RITA1: variants seen among roughly 807,000 people sequenced by gnomAD.
RITA1 encodes the protein RBPJ-interacting and tubulin-associated protein 1.
A neutral mutation model predicts 8.7 loss-of-function variants in RITA1; 15 were observed. The observed-to-expected ratio is 1.72, with a 90% CI of 1.15 to 2.65. RITA1 has a LOEUF of 2.65. Among genes scored for constraint, RITA1 ranks in the 30% most tolerant of loss-of-function variants. The probability of loss-of-function intolerance (pLI) is 0.00; values close to 1 mark genes in which losing one functional copy is unlikely to be tolerated. For missense variants in RITA1, 330 were observed against 363.8 expected (o/e 0.91, Z 0.76); for synonymous variants, 145 against 156.2 (o/e 0.93, Z 0.53).
At chr12:113,186,558 A>G (rs763719384) in intron 2 of RITA1, 125 bp from the exon 3 acceptor site, 15 of 1,393,156 alleles carry the variant, frequency 1.1e-5, no homozygotes, top group Non-Finnish European at 1.4e-5. Context: ...TGAAGTTGAC[A>G]GCTCCCCTTT....
chr12:113,190,917 G>A lies in RITA1; in HGVS notation c.303-393G>A, dbSNP rs75102132. Among the ~76,000 whole-genome samples, 55 of 152,352 alleles carry A rather than the reference G, an allele frequency of 3.6e-4. No homozygotes were observed. The East Asian group carries it at 7.7e-3, about 21-fold the overall frequency. The stretch of plus-strand genomic sequence containing the variant: ...TCAGCTTAGCAAGAAGTAAAGTCAG[G>A]TGGCAGAAAGACATCTCTTTCCTAG... On this transcript the variant is annotated intron_variant, in intron 3 of 3. Coordinates refer to ENST00000548278, the MANE Select transcript of RITA1 (RefSeq NM_032848.3).
At position 113,191,891 on chromosome 12, in the gene RITA1, T is replaced by C. The variant is rs149502906; in HGVS notation, c.*74T>C. On this transcript the variant is annotated 3_prime_UTR_variant, in exon 4 of 4. Coordinates refer to ENST00000548278, the MANE Select transcript of RITA1 (RefSeq NM_032848.3). This position sits in a 1 kb window ranked among gnomAD's most constrained non-coding sequence, Gnocchi z 4.0. ...CCTTGCCAGGGTAGGAGGACATTCATCACCCAGGGAACCCCAGGTATTAAA... is the reference window on the plus strand; with the variant it reads ...CCTTGCCAGGGTAGGAGGACATTCACCACCCAGGGAACCCCAGGTATTAAA... The C allele has an allele frequency of 1.1e-3, 1,603 of 1,507,166 alleles. 17 individuals carry two copies. The East Asian group carries it at 0.031, about 29-fold the overall frequency. The allele number at this position is 1,507,166 out of a possible 1,614,324, so 93.4% of individuals were successfully genotyped here.
Position 113,186,246 on chromosome 12 carries a change from A to G in RITA1, c.-135A>G. On this transcript the variant is annotated 5_prime_UTR_variant, in exon 2 of 4. Transcript: ENST00000548278. ...AGTTTTGTGATCCGTAAAATGGACAAATTCGAAGCTACTTCACAGTGCTGT... is the reference window on the plus strand; with the variant it reads ...AGTTTTGTGATCCGTAAAATGGACAGATTCGAAGCTACTTCACAGTGCTGT... 7.1e-7 allele frequency: 1 copy of G among 1,402,280 alleles called. No individual in the cohort carries two copies. 86.9% of individuals were successfully genotyped at this position (1,402,280 alleles called of 1,614,324 possible). A position where few individuals can be genotyped will look rare whatever the true frequency, so the allele number is the denominator to read the frequency against.
Position 113,191,563 on chromosome 12 carries a change from G to T in RITA1, c.556G>T (p.Gly186Cys), listed in dbSNP as rs777293300. The part of the protein sequence containing the change: ...PAADSQKLSM[G>C]GLHSSRPLKR... ...GGCAGACTCCCAGAAGTTATCTATG[G>T]GTGGGTTACACTCTTCACGCCCCCT... The change falls in exon 4 of 4, where the codon GGT becomes TGT. Residue 186 changes from glycine (G) to cysteine (C), a missense_variant. Coordinates refer to ENST00000548278, the MANE Select transcript of RITA1 (RefSeq NM_032848.3). This position sits in a 1 kb window ranked among gnomAD's most constrained non-coding sequence, Gnocchi z 4.0. The T allele has an allele frequency of 6.2e-7, 1 of 1,613,900 alleles. No homozygotes were observed. The highest frequency in any genetic ancestry group is 1.3e-5 in the African/African-American group (1 of 74,908).
Position 113,186,825 on chromosome 12 carries a change from G to C in RITA1, c.79G>C (p.Val27Leu), listed in dbSNP as rs374461511. Residue 27 changes from valine (V) to leucine (L), a missense_variant, in exon 3 of 4, where the codon GTC becomes CTC. Val to Leu is a conservative substitution (Grantham distance 32). Coordinates refer to ENST00000548278, the MANE Select transcript of RITA1 (RefSeq NM_032848.3). Reference sequence around the variant, plus strand: ...GCACCGCTGCCGAGGTGGCTACCGGGTCAAGGCCAGGACGTCATATGTGGA... The same window carrying C: ...GCACCGCTGCCGAGGTGGCTACCGGCTCAAGGCCAGGACGTCATATGTGGA... ...LQHRCRGGYR[V>L]KARTSYVDET... is the part of the protein sequence containing the mutation. 4.5e-5 allele frequency: 73 copies of C among 1,613,812 alleles called. No individual in the cohort carries two copies. Among genetic ancestry groups the C allele is most frequent in the Admixed American group, 5.0e-5 (3 of 60,000 alleles).
chr12:113,192,038 T>C lies in RITA1; in HGVS notation c.*221T>C, dbSNP rs1339006935. 1.7e-6 allele frequency: 1 copy of C among 601,766 alleles called. No homozygotes were observed. The allele number at this position is 601,766 out of a possible 1,614,324, so 37.3% of individuals were successfully genotyped here. A position where few individuals can be genotyped will look rare whatever the true frequency, so the allele number is the denominator to read the frequency against. On this transcript the variant is annotated 3_prime_UTR_variant, in exon 4 of 4. Coordinates refer to ENST00000548278, the MANE Select transcript of RITA1 (RefSeq NM_032848.3). ...GCGGATTTGGGGGCCACCTCTAAGA[T>C]GCCTCTCTCCAGCCCTGTCTCAACC...
chr12:113,186,199 C>T lies in RITA1; in HGVS notation c.-182C>T. On this transcript the variant is annotated 5_prime_UTR_variant, in exon 2 of 4. Transcript: ENST00000548278. ...CACCGTTTTAGCTTTATAGGTGTGA[C>T]CTACACATGTGACTTCACCTCAGTT... 7.5e-7 allele frequency: 1 copy of T among 1,329,902 alleles called. No homozygotes were observed. The highest frequency in any genetic ancestry group is 1.0e-6 in the Non-Finnish European group (1 of 988,836). The allele number at this position is 1,329,902 out of a possible 1,614,324, so 82.4% of individuals were successfully genotyped here.
intron 3 of RITA1, among the ~76,000 whole-genome samples, chr12:113,190,082 C>T (rs987873376): frequency 6.7e-6 from 1 of 149,026 alleles, no homozygotes; most frequent in African/African-American, 2.5e-5. Flanking sequence ...GTAATCCCAG[C>T]ACTTTGGGAG....
In RITA1 at chr12:113,191,083, G is replaced by C. The variant is rs1205621800; in HGVS notation, c.303-227G>C. The stretch of plus-strand genomic sequence containing the variant: ...GGCACATGTCTGGGAATGGGGTCAG[G>C]ATGCAGGGGCAGTGGATGTTTCGCA... On this transcript the variant is annotated intron_variant, in intron 3 of 3. Coordinates refer to ENST00000548278, the MANE Select transcript of RITA1 (RefSeq NM_032848.3). This position sits in a 1 kb window ranked among gnomAD's most constrained non-coding sequence, Gnocchi z 4.0. 6.6e-6 allele frequency among the ~76,000 whole-genome samples: 1 copy of C among 152,194 alleles called. No individual in the cohort carries two copies.
chr12:113,191,903 C>A lies in RITA1; in HGVS notation c.*86C>A. ...AGGAGGACATTCATCACCCAGGGAA[C>A]CCCAGGTATTAAAGAAGCCCCTGTG... On this transcript the variant is annotated 3_prime_UTR_variant, in exon 4 of 4. Coordinates refer to ENST00000548278, the MANE Select transcript of RITA1 (RefSeq NM_032848.3). The surrounding 1 kb of genome is among the most constrained non-coding windows in gnomAD (Gnocchi z 4.0). The A allele has an allele frequency of 6.7e-7, 1 of 1,489,430 alleles. No individual in the cohort carries two copies. Among genetic ancestry groups the A allele is most frequent in the Non-Finnish European group, 9.0e-7 (1 of 1,112,018 alleles). The allele number at this position is 1,489,430 out of a possible 1,614,324, so 92.3% of individuals were successfully genotyped here. A position where few individuals can be genotyped will look rare whatever the true frequency, so the allele number is the denominator to read the frequency against.
chr12:113,191,057 G>A lies in RITA1; in HGVS notation c.303-253G>A, dbSNP rs1013241109. Among the ~76,000 whole-genome samples, 1 of 152,186 alleles carries A rather than the reference G, an allele frequency of 6.6e-6. No individual in the cohort carries two copies. Among genetic ancestry groups the A allele is most frequent in the Non-Finnish European group, 1.5e-5 (1 of 68,038 alleles). ...GGAATATGCAAATTGTCCAGGCCTG[G>A]GGCACATGTCTGGGAATGGGGTCAG... On this transcript the variant is annotated intron_variant, in intron 3 of 3. Coordinates refer to ENST00000548278, the MANE Select transcript of RITA1 (RefSeq NM_032848.3). This position sits in a 1 kb window ranked among gnomAD's most constrained non-coding sequence, Gnocchi z 4.0.
Position 113,186,972 on chromosome 12 carries a change from GC to G in RITA1, c.227del (p.Ala76GlufsTer119), listed in dbSNP as rs1442366554. On this transcript the variant is annotated frameshift_variant, in exon 3 of 4. Transcript: ENST00000548278. LOFTEE classifies it high-confidence loss of function. ...CAAGGAGGCATCGAAGGCCTTGGGG[GC>G]AAAGGGGAGCTGTGAGACCACCCCC... ...VGKEASKALGAKGSCETTPSR... is the reference protein window; with the variant it reads ...VGKEASKALGXKGSCETTPSR... The G allele has an allele frequency of 6.2e-7, 1 of 1,613,084 alleles. No homozygotes were observed. The highest frequency in any genetic ancestry group is 1.6e-4 in the Middle Eastern group (1 of 6,082).
In RITA1 at chr12:113,191,579, C is replaced by T. The variant is rs1952604286; in HGVS notation, c.572C>T (p.Ser191Leu). ...QKLSMGGLHS[S>L]RPLKRGLSHS... is the part of the protein sequence containing the mutation. Reference sequence around the variant, plus strand: ...TTATCTATGGGTGGGTTACACTCTTCACGCCCCCTGAAGCGGGGACTTTCC... The same window carrying T: ...TTATCTATGGGTGGGTTACACTCTTTACGCCCCCTGAAGCGGGGACTTTCC... Residue 191 changes from serine to leucine, a missense_variant, in exon 4 of 4, where the codon TCA (serine) becomes TTA (leucine). By Grantham distance (145) the Ser-to-Leu change is moderately radical. Coordinates refer to ENST00000548278, the MANE Select transcript of RITA1 (RefSeq NM_032848.3). The surrounding 1 kb of genome is among the most constrained non-coding windows in gnomAD (Gnocchi z 4.0). The T allele has an allele frequency of 6.2e-7, 1 of 1,613,994 alleles. No individual in the cohort carries two copies. Among genetic ancestry groups the T allele is most frequent in the Admixed American group, 1.7e-5 (1 of 59,994 alleles).
In RITA1 at chr12:113,191,552, AGTTATCTAT is replaced by A; in HGVS notation, c.547_555del (p.Leu183_Met185del). On this transcript the variant is annotated inframe_deletion, in exon 4 of 4. Transcript: ENST00000548278. The surrounding 1 kb of genome is among the most constrained non-coding windows in gnomAD (Gnocchi z 4.0). ...CCGGGGCCAGCGGCAGACTCCCAGA[AGTTATCTAT>A]GGGTGGGTTACACTCTTCACGCCCC... 3 of 1,613,924 alleles carry A rather than the reference AGTTATCTAT, an allele frequency of 1.9e-6. No individual in the cohort carries two copies. Among genetic ancestry groups the A allele is most frequent in the Non-Finnish European group, 2.5e-6 (3 of 1,179,914 alleles).
intron 3 of RITA1, among the ~76,000 whole-genome samples, chr12:113,188,045 CA>C (rs1952557139): frequency 6.6e-6 from 1 of 151,570 alleles, no homozygotes; most frequent in Non-Finnish European, 1.5e-5. Flanking sequence ...GTGGCTTAAA[CA>C]ACACAATTTT....
Position 113,186,988 on chromosome 12 carries a change from A to G in RITA1, c.242A>G (p.Glu81Gly), listed in dbSNP as rs1566104730. 2.5e-6 allele frequency: 4 copies of G among 1,612,504 alleles called. No homozygotes were observed. In the South Asian group the frequency reaches 3.3e-5, roughly 13 times the overall value. ...GCCTTGGGGGCAAAGGGGAGCTGTG[A>G]GACCACCCCCTCAAGGGGCAGCACC... is the stretch of plus-strand genomic sequence containing the variant. Reference protein sequence around the residue: ...SKALGAKGSCETTPSRGSTPT... With the variant: ...SKALGAKGSCGTTPSRGSTPT... Residue 81 changes from glutamate (E) to glycine (G), a missense_variant, in exon 3 of 4, where the codon GAG (glutamate) becomes GGG (glycine). Transcript: ENST00000548278.
Position 113,185,785 on chromosome 12 carries a change from G to A in RITA1, c.-433G>A. The A allele has an allele frequency of 1.6e-6, 1 of 611,732 alleles. No individual in the cohort carries two copies. The highest frequency in any genetic ancestry group is 2.8e-6 in the Non-Finnish European group (1 of 353,242). The allele number at this position is 611,732 out of a possible 1,614,324, so 37.9% of individuals were successfully genotyped here. ...CTGGGTTCTGGGTTTCTGGATTCGC[G>A]GGCCGTTCACACGTAGCCTGTGCCG... On this transcript the variant is annotated 5_prime_UTR_variant, in exon 1 of 4. Coordinates refer to ENST00000548278, the MANE Select transcript of RITA1 (RefSeq NM_032848.3).
At chr12:113,190,334 A>G (rs1022021926) in intron 3 of RITA1, among the ~76,000 whole-genome samples, 1 of 148,880 alleles carries the variant, frequency 6.7e-6, no homozygotes, top group Non-Finnish European at 1.5e-5. Context: ...TCTGTCTCAG[A>G]AAAAAAAAGA....
In RITA1 at chr12:113,191,557, T is replaced by C; in HGVS notation, c.550T>C (p.Ser184Pro). ...GCCAGCGGCAGACTCCCAGAAGTTATCTATGGGTGGGTTACACTCTTCACG... is the reference window on the plus strand; with the variant it reads ...GCCAGCGGCAGACTCCCAGAAGTTACCTATGGGTGGGTTACACTCTTCACG... ...PGPAADSQKLSMGGLHSSRPL... is the reference protein window; with the variant it reads ...PGPAADSQKLPMGGLHSSRPL... Residue 184 changes from serine (S) to proline (P), a missense_variant, in exon 4 of 4, where the codon TCT becomes CCT. Transcript: ENST00000548278. The surrounding 1 kb of genome is among the most constrained non-coding windows in gnomAD (Gnocchi z 4.0). 3.7e-6 allele frequency: 6 copies of C among 1,613,982 alleles called. No individual in the cohort carries two copies. The highest frequency in any genetic ancestry group is 5.1e-6 in the Non-Finnish European group (6 of 1,179,942).
Sources: allele counts gnomAD v4.1 joint callset (sites outside exome capture counted in the v4.1 genomes callset), GRCh38; gene constraint gnomAD v4.1.1; non-coding constraint Gnocchi (gnomAD v3.1); transcripts MANE v1.5; gene names NCBI Gene and HGNC (gene_info 2026-07-23, HGNC 2026-07-21).